CHRDL2: variants seen among roughly 807,000 people sequenced by gnomAD.
CHRDL2 encodes the protein chordin like 2.
CHRDL2 carries 41 observed loss-of-function variants against 54.3 expected under a neutral mutation model. That is an observed-to-expected ratio of 0.76 (90% confidence interval 0.59 to 0.98). The LOEUF is 0.98. CHRDL2 is among the 50% of genes least tolerant of loss of function. The probability of loss-of-function intolerance (pLI) is 0.00; values close to 1 mark genes in which losing one functional copy is unlikely to be tolerated. For synonymous variants in CHRDL2, 220 were observed against 224.3 expected (o/e 0.98, Z 0.17); for missense variants, 518 against 562.4 (o/e 0.92, Z 0.80).
chr11:74,704,790 AC>A, intron 6 of CHRDL2, 136 bp from the exon 7 acceptor site: 1 of 820,268 alleles, frequency 1.2e-6, no homozygotes. Context: ...GAAGGTAGAG[AC>A]CAGGGATAGA....
chr11:74,710,952 G>C lies in CHRDL2; in HGVS notation c.329C>G (p.Ser110Cys). ...TPSGLRAPPK[S>C]CQHNGTMYQH... ...GTACATGGTCCCGTTGTGCTGGCAG[G>C]ACTTTGGTGGGGCCCGGAGTCCAGA... The change falls in exon 4 of 11, where the codon TCC becomes TGC. Residue 110 changes from serine (S) to cysteine (C), a missense_variant. Ser to Cys is a moderately radical substitution (Grantham distance 112, BLOSUM62 -1). Coordinates refer to ENST00000376332, the MANE Select transcript of CHRDL2 (RefSeq NM_001278473.3). The C allele has an allele frequency of 6.2e-7, 1 of 1,614,198 alleles. No homozygotes were observed. The highest frequency in any genetic ancestry group is 8.5e-7 in the Non-Finnish European group (1 of 1,180,024).
Position 74,697,241 on chromosome 11 carries a change from C to T in CHRDL2, c.1177G>A (p.Ala393Thr). The change falls in exon 10 of 11, where the codon GCA (alanine) becomes ACA (threonine). Residue 393 changes from alanine (A) to threonine (T), a missense_variant. Coordinates refer to ENST00000376332, the MANE Select transcript of CHRDL2 (RefSeq NM_001278473.3). ...CCAGCGAGCAGTCGGAAGTGCTGTG[C>T]CTCTTTCTGGAAGTCTTGCTTCCTG... ...KVRKQDFQKE[A>T]QHFRLLAGPH... 1 of 1,614,012 alleles carries T rather than the reference C, an allele frequency of 6.2e-7. No homozygotes were observed. Among genetic ancestry groups the T allele is most frequent in the Non-Finnish European group, 8.5e-7 (1 of 1,179,998 alleles).
At chr11:74,704,089 T>C (rs928258537) in intron 7 of CHRDL2, among the ~76,000 whole-genome samples, 2 of 152,184 alleles carry the variant, frequency 1.3e-5, no homozygotes, top group Non-Finnish European at 2.9e-5. Context: ...TTCCTTATAT[T>C]AAAGTCATTT....
At position 74,702,840 on chromosome 11, in the gene CHRDL2, G is replaced by A. The variant is rs148128530; in HGVS notation, c.1074C>T (p.His358=). The A allele has an allele frequency of 1.4e-4, 227 of 1,613,950 alleles. No homozygotes were observed. Among genetic ancestry groups the A allele is most frequent in the African/African-American group, 1.3e-3 (101 of 74,896 alleles). ...PDNLRRFALE[H]EASDLVEIYL... The stretch of plus-strand genomic sequence containing the variant: ...AGATCTCCACCAAGTCCGAGGCCTC[G>A]TGTTCCAGGGCAAAGCGACGCAGGT... Residue 358 remains histidine, a synonymous_variant, in exon 9 of 11, where the codon CAC becomes CAT. Transcript: ENST00000376332.
At chr11:74,717,729 C>A (rs1411543405) in intron 2 of CHRDL2, among the ~76,000 whole-genome samples, 1 of 152,172 alleles carries the variant, frequency 6.6e-6, no homozygotes, top group Non-Finnish European at 1.5e-5. Flanking sequence ...CTCTTAGAGG[C>A]CTTCTGCATT....
intron 8 of CHRDL2, 117 bp downstream of exon 8, chr11:74,703,188 T>C (rs1350721598): frequency 1.6e-6 from 2 of 1,243,060 alleles, no homozygotes; most frequent in Admixed American, 2.5e-5. Flanking sequence ...CTGCATCCTG[T>C]GGCACCGATG....
rs1591374449 is a variant in CHRDL2 at position 74,731,094 on chromosome 11, G to A, written c.-206C>T. On this transcript the variant is annotated 5_prime_UTR_variant, in exon 1 of 11. Transcript: ENST00000376332. The surrounding 1 kb of genome is among the most constrained non-coding windows in gnomAD (Gnocchi z 4.4). ...TCTAAGGTGGGAAGAAGAGAAAGGT[G>A]GAAAGAGAACGCGGGGAAAGGAGGG... 5.9e-5 allele frequency: 34 copies of A among 576,374 alleles called. No individual in the cohort carries two copies. The East Asian group carries it at 9.2e-4, about 16-fold the overall frequency. 35.7% of individuals were successfully genotyped at this position (576,374 alleles called of 1,614,324 possible). A position where few individuals can be genotyped will look rare whatever the true frequency, so the allele number is the denominator to read the frequency against.
At chr11:74,701,985 G>A (rs1013510132) in intron 9 of CHRDL2, among the ~76,000 whole-genome samples, 2 of 152,182 alleles carry the variant, frequency 1.3e-5, no homozygotes, top group Non-Finnish European at 2.9e-5. Flanking sequence ...TGGGTGTCGT[G>A]GCTCACGCCT....
intron 1 of CHRDL2, among the ~76,000 whole-genome samples, chr11:74,720,689 G>A (rs748879385): frequency 2.6e-5 from 4 of 152,298 alleles, no homozygotes; most frequent in Middle Eastern, 6.8e-3. Flanking sequence ...AAACAGAATC[G>A]CAGAGCATTG....
intron 1 of CHRDL2, among the ~76,000 whole-genome samples, chr11:74,728,537 GTT>G (rs2034605340): frequency 6.6e-6 from 1 of 151,894 alleles, no homozygotes; most frequent in Admixed American, 6.6e-5. Context: ...TTTTGTTGTT[GTT>G]GTTGTTGTTG....
At chr11:74,702,583 C>A (rs980605068) in intron 9 of CHRDL2, among the ~76,000 whole-genome samples, 2 of 152,208 alleles carry the variant, frequency 1.3e-5, no homozygotes, top group African/African-American at 4.8e-5. Flanking sequence ...CACTATCGAG[C>A]CTTGGCATTA....
chr11:74,715,639 A>G (rs2034328615), intron 2 of CHRDL2, among the ~76,000 whole-genome samples: 1 of 151,340 alleles, frequency 6.6e-6, no homozygotes, highest in South Asian at 2.1e-4. Context: ...AAAAAAAGTA[A>G]GCAAGTAGGA....
intron 5 of CHRDL2, among the ~76,000 whole-genome samples, 184 bp downstream of exon 5, chr11:74,708,118 T>G (rs1944936): frequency 0.69 from 105,222 of 152,042 alleles, 37,301 homozygotes; most frequent in East Asian, 0.83. Flanking sequence ...TAAAAATAAG[T>G]AACACATCAG....
intron 4 of CHRDL2, among the ~76,000 whole-genome samples, chr11:74,708,609 C>A (rs766046858): frequency 3.9e-5 from 6 of 152,326 alleles, no homozygotes; most frequent in African/African-American, 4.8e-5. Flanking sequence ...CAGGTAACAT[C>A]CAGCCTTCAG....
intron 1 of CHRDL2, among the ~76,000 whole-genome samples, chr11:74,721,098 C>T (rs549519337): frequency 6.6e-6 from 1 of 152,360 alleles, no homozygotes; most frequent in East Asian, 1.9e-4. Context: ...CAAGGCCCGG[C>T]TGGCCCGTAT....
At chr11:74,715,235 T>C (rs2034316024) in intron 2 of CHRDL2, among the ~76,000 whole-genome samples, 1 of 152,146 alleles carries the variant, frequency 6.6e-6, no homozygotes, top group South Asian at 2.1e-4. Context: ...TTCTGAGCAC[T>C]AGGAATTAGT....
intron 2 of CHRDL2, 119 bp from the exon 3 acceptor site, chr11:74,713,598 T>A: frequency 1.3e-6 from 1 of 744,862 alleles, no homozygotes. Flanking sequence ...AAGCCTGTGA[T>A]TGGACTGAAA....
intron 4 of CHRDL2, among the ~76,000 whole-genome samples, chr11:74,710,215 C>CA (rs1180503358): frequency 0.027 from 2,007 of 73,882 alleles, 43 homozygotes; most frequent in African/African-American, 0.081. Context: ...GACTCCGTCT[C>CA]AAAAAAAAAA....
intron 9 of CHRDL2, chr11:74,701,493 C>T (rs1364498836): frequency 3.1e-6 from 2 of 651,660 alleles, no homozygotes; most frequent in East Asian, 2.7e-5. Flanking sequence ...GCTCCACTTT[C>T]TTCGTCCATT....
Sources: gnomAD v4.1 joint callset for allele counts (sites outside exome capture counted in the v4.1 genomes callset) on GRCh38, gnomAD v4.1.1 for gene constraint, Gnocchi (gnomAD v3.1) non-coding constraint, MANE v1.5 for transcripts, NCBI Gene and HGNC (gene_info 2026-07-23, HGNC 2026-07-21) for gene names.